RAB7A: variants seen among roughly 807,000 people sequenced by gnomAD.
RAB7A encodes the protein RAB7A, member RAS oncogene family.
Under a neutral mutation model 24.5 loss-of-function variants are expected in RAB7A, and 2 were observed. The ratio of observed to expected loss-of-function variants is 0.08; its 90% CI spans 0.03 to 0.26. The LOEUF (loss-of-function observed/expected upper bound fraction) is 0.26. Among genes scored for constraint, RAB7A ranks in the 10% least tolerant of loss-of-function variants. RAB7A has a pLI of 1.00. For missense variants in RAB7A, 118 were observed against 255.7 expected, an observed-to-expected ratio of 0.46 and a Z score of 3.67; for synonymous variants, 100 against 95.9, an observed-to-expected ratio of 1.04 and a Z score of -0.25.
rs936479832 is a variant in RAB7A at position 128,813,994 on chromosome 3, G to C, written c.*572G>C. On this transcript the variant is annotated 3_prime_UTR_variant, in exon 6 of 6. Transcript: ENST00000265062. The stretch of plus-strand genomic sequence containing the variant: ...AATGCTTGTTACTTTTAACTAATCA[G>C]ATCTTTTTACAGTATCCATTTATTA... 1.2e-5 allele frequency: 2 copies of C among 161,650 alleles called. No homozygotes were observed. Among genetic ancestry groups the C allele is most frequent in the African/African-American group, 4.8e-5 (2 of 41,526 alleles). The allele number at this position is 161,650 out of a possible 1,614,324, so 10.0% of individuals were successfully genotyped here.
intron 1 of RAB7A, among the ~76,000 whole-genome samples, chr3:128,785,857 C>G (rs570827395): frequency 9.9e-5 from 15 of 151,968 alleles, no homozygotes; most frequent in Non-Finnish European, 1.9e-4. Context: ...CCCCTAGATC[C>G]TTAATGTTTC....
rs185772849 is a variant in RAB7A, at chr3:128,797,241, A to T, written c.54-702A>T. Among the ~76,000 whole-genome samples the T allele has an allele frequency of 2.4e-3, 369 of 152,266 alleles. 10 individuals carry two copies. Among genetic ancestry groups the T allele is most frequent in the Admixed American group, 0.021 (329 of 15,306 alleles). On this transcript the variant is annotated intron_variant, in intron 2 of 5. Transcript: ENST00000265062. Reference sequence around the variant, plus strand: ...TAGGTACCTCCAGGTTCTTTAACACAAATATGAACATGTTCCTTTGTGGCC... The same window carrying T: ...TAGGTACCTCCAGGTTCTTTAACACTAATATGAACATGTTCCTTTGTGGCC...
At chr3:128,756,124 T>G (rs973160131) in intron 1 of RAB7A, among the ~76,000 whole-genome samples, 2 of 151,906 alleles carry the variant, frequency 1.3e-5, no homozygotes, top group Admixed American at 1.3e-4. Flanking sequence ...GATCACAAGG[T>G]CAGAAGTTCG....
At chr3:128,782,429 C>A (rs187993942) in intron 1 of RAB7A, among the ~76,000 whole-genome samples, 16 of 152,120 alleles carry the variant, frequency 1.1e-4, no homozygotes, top group African/African-American at 3.9e-4. Flanking sequence ...TTTTCCCAGC[C>A]TCACAAGCAG....
intron 1 of RAB7A, among the ~76,000 whole-genome samples, chr3:128,767,110 G>A (rs1247243523): frequency 5.3e-5 from 8 of 152,138 alleles, no homozygotes; most frequent in African/African-American, 1.7e-4. Flanking sequence ...TCACCCTGCT[G>A]CGCGTTGGCA....
chr3:128,791,689 T>C (rs958584734), intron 1 of RAB7A, among the ~76,000 whole-genome samples: 1 of 152,188 alleles, frequency 6.6e-6, no homozygotes, highest in African/African-American at 2.4e-5. Flanking sequence ...CCCAGGCTTT[T>C]GTTTCATGGA....
chr3:128,785,010 A>G (rs1450877823), intron 1 of RAB7A: 3 of 151,032 alleles, frequency 2.0e-5, no homozygotes, highest in East Asian at 1.9e-4. Context: ...CAGTGATGCA[A>G]TCCCAGCTCA....
intron 1 of RAB7A, among the ~76,000 whole-genome samples, chr3:128,727,226 C>A (rs556137747): frequency 2.0e-5 from 3 of 152,196 alleles, no homozygotes; most frequent in African/African-American, 7.2e-5. Context: ...TGAAGTACCA[C>A]TGTTGTGCCC....
At chr3:128,801,797 C>G (rs1182023141) in intron 3 of RAB7A, among the ~76,000 whole-genome samples, 1 of 151,898 alleles carries the variant, frequency 6.6e-6, no homozygotes. Flanking sequence ...GGTGTGGCAC[C>G]AATCCACTGA....
intron 2 of RAB7A, among the ~76,000 whole-genome samples, chr3:128,796,677 T>C (rs1045575807): frequency 6.6e-6 from 1 of 152,198 alleles, no homozygotes; most frequent in Non-Finnish European, 1.5e-5. Context: ...TTTGTATGTG[T>C]GTGAGAGACA....
chr3:128,808,464 G>A (rs780916583), intron 5 of RAB7A, among the ~76,000 whole-genome samples: 1 of 152,214 alleles, frequency 6.6e-6, no homozygotes, highest in Non-Finnish European at 1.5e-5. Context: ...AAGATTAAAT[G>A]AGACAGACTC....
chr3:128,735,673 G>C (rs966496111), intron 1 of RAB7A, among the ~76,000 whole-genome samples: 1 of 152,198 alleles, frequency 6.6e-6, no homozygotes, highest in African/African-American at 2.4e-5. Flanking sequence ...GATAGAGGAA[G>C]AGAGCAGTTA....
At chr3:128,811,901 A>T (rs1559798889) in intron 5 of RAB7A, among the ~76,000 whole-genome samples, 1 of 152,132 alleles carries the variant, frequency 6.6e-6, no homozygotes. Flanking sequence ...GGGGAAAATT[A>T]AAATAAATAA....
chr3:128,747,124 C>A (rs1284374779), intron 1 of RAB7A, among the ~76,000 whole-genome samples: 1 of 150,214 alleles, frequency 6.7e-6, no homozygotes. Flanking sequence ...AGCAACATAG[C>A]AATACTCTAT....
intron 1 of RAB7A, among the ~76,000 whole-genome samples, chr3:128,741,759 T>G (rs1355518972): frequency 6.6e-6 from 1 of 152,220 alleles, no homozygotes; most frequent in African/African-American, 2.4e-5. Flanking sequence ...TGCGTCTGTT[T>G]TGTTTTATAC....
At chr3:128,777,081 A>G (rs146578018) in intron 1 of RAB7A, among the ~76,000 whole-genome samples, 359 of 151,974 alleles carry the variant, frequency 2.4e-3, no homozygotes, top group African/African-American at 8.1e-3. Context: ...CTTGCAATTG[A>G]GTTGCTTGAG....
At chr3:128,770,352 C>T (rs1219233782) in intron 1 of RAB7A, among the ~76,000 whole-genome samples, 3 of 152,206 alleles carry the variant, frequency 2.0e-5, no homozygotes, top group Non-Finnish European at 1.5e-5. Flanking sequence ...GCTAGAGTGA[C>T]TCTGTTTTGT....
intron 1 of RAB7A, among the ~76,000 whole-genome samples, chr3:128,770,773 A>G (rs1270195109): frequency 6.6e-6 from 1 of 152,160 alleles, no homozygotes; most frequent in Non-Finnish European, 1.5e-5. Context: ...AAACTTAATA[A>G]ATTGTAATTA....
At chr3:128,776,138 A>T (rs1933081853) in intron 1 of RAB7A, among the ~76,000 whole-genome samples, 1 of 151,892 alleles carries the variant, frequency 6.6e-6, no homozygotes. Flanking sequence ...GTTATGCTCT[A>T]TTTGTCTTTC....
Sources: gnomAD v4.1 joint callset for allele counts (sites outside exome capture counted in the v4.1 genomes callset) on GRCh38, gnomAD v4.1.1 for gene constraint, MANE v1.5 for transcripts, NCBI Gene and HGNC (gene_info 2026-07-23, HGNC 2026-07-21) for gene names.